RBFOX1: variants seen among roughly 807,000 people sequenced by gnomAD.
RBFOX1 encodes RNA binding protein fox-1 homolog 1.
Under a neutral mutation model 57.7 loss-of-function variants are expected in RBFOX1, and 8 were observed. The observed-to-expected ratio is 0.14, with a 90% CI of 0.08 to 0.25. The LOEUF is 0.25. Among genes scored for constraint, RBFOX1 ranks in the 10% least tolerant of loss-of-function variants. The pLI is 1.00. For missense variants in RBFOX1, 611 were observed against 548.5 expected (o/e 1.11, Z -1.14); for synonymous variants, 326 against 222.4 (o/e 1.47, Z -4.15).
chr16:7,102,245 T>C (rs2062822770), intron 4 of RBFOX1, among the ~76,000 whole-genome samples: 2 of 152,312 alleles, frequency 1.3e-5, no homozygotes, highest in African/African-American at 2.4e-5. Flanking sequence ...GATGAAAATA[T>C]CTTTCTCAAT....
intron 3 of RBFOX1, among the ~76,000 whole-genome samples, chr16:5,763,555 T>A (rs775580209): frequency 3.3e-5 from 5 of 152,272 alleles, no homozygotes; most frequent in Non-Finnish European, 5.9e-5. Context: ...AGTAAATTGC[T>A]GCGATAGAAC....
At chr16:5,496,332 C>G (rs1474364586) in intron 2 of RBFOX1, among the ~76,000 whole-genome samples, 1 of 152,166 alleles carries the variant, frequency 6.6e-6, no homozygotes, top group African/African-American at 2.4e-5. Context: ...CAAGGTCCCA[C>G]TGGCATTTGG....
rs186766500 is a variant in RBFOX1 at position 5,904,151 on chromosome 16, G to A, written c.351+36816G>A. Reference sequence around the variant, plus strand: ...AGAGTAATTGGATCATTCGGAGATCGGCAATGCCTGGTGTATGCACAAAGC... The same window carrying A: ...AGAGTAATTGGATCATTCGGAGATCAGCAATGCCTGGTGTATGCACAAAGC... On this transcript the variant is annotated intron_variant, in intron 4 of 19. Transcript: ENST00000641259. Among the ~76,000 whole-genome samples, 35 of 152,172 alleles carry A rather than the reference G, an allele frequency of 2.3e-4. No individual in the cohort carries two copies. The East Asian group carries it at 5.8e-3, about 25-fold the overall frequency.
intron 4 of RBFOX1, among the ~76,000 whole-genome samples, chr16:7,095,418 A>G (rs767052531): frequency 9.2e-5 from 14 of 152,200 alleles, no homozygotes; most frequent in African/African-American, 3.4e-4. Flanking sequence ...GATTACAGTC[A>G]TGAGTCACTG....
intron 4 of RBFOX1, among the ~76,000 whole-genome samples, chr16:7,418,481 C>T (rs1285319493): frequency 3.3e-5 from 5 of 152,182 alleles, no homozygotes; most frequent in African/African-American, 9.6e-5. Context: ...GGAGATTACG[C>T]ATTCTGTGTC....
chr16:7,132,473 C>T lies in RBFOX1; in HGVS notation c.27+80375C>T, dbSNP rs967053725. Among the ~76,000 whole-genome samples, 4 of 133,192 alleles carry T rather than the reference C, an allele frequency of 3.0e-5. No individual in the cohort carries two copies. In the East Asian group the frequency reaches 6.8e-4, roughly 23 times the overall value. The allele number at this position is 133,192 out of a possible 152,430, so 87.4% of individuals were successfully genotyped here. ...ACACACACACACACACACACACACACACACACACAGTCACTTTATCTTGAA... is the reference window on the plus strand; with the variant it reads ...ACACACACACACACACACACACACATACACACACAGTCACTTTATCTTGAA... On this transcript the variant is annotated intron_variant, in intron 4 of 15. Transcript: ENST00000550418.
chr16:6,304,366 CT>C (rs2079193533), intron 1 of RBFOX1, among the ~76,000 whole-genome samples: 1 of 152,126 alleles, frequency 6.6e-6, no homozygotes. Flanking sequence ...CTCTATAAAT[CT>C]GTCTGCATTG....
At chr16:5,998,161 T>C (rs1281630688) in intron 4 of RBFOX1, among the ~76,000 whole-genome samples, 2 of 152,222 alleles carry the variant, frequency 1.3e-5, no homozygotes, top group African/African-American at 4.8e-5. Flanking sequence ...ACGAAGTCCC[T>C]GTTCATTCTG....
At chr16:7,060,564 C>T (rs928625267) in intron 4 of RBFOX1, among the ~76,000 whole-genome samples, 2 of 152,136 alleles carry the variant, frequency 1.3e-5, no homozygotes, top group Non-Finnish European at 1.5e-5. Flanking sequence ...AGAATAGCTA[C>T]AATTAGGGCT....
intron 5 of RBFOX1, among the ~76,000 whole-genome samples, chr16:7,545,203 A>G (rs1488566250): frequency 6.6e-6 from 1 of 152,142 alleles, no homozygotes; most frequent in Non-Finnish European, 1.5e-5. Context: ...CGGTTAAAGT[A>G]AAGGTTGTTT....
At chr16:5,968,638 A>G (rs898958369) in intron 4 of RBFOX1, among the ~76,000 whole-genome samples, 3 of 151,688 alleles carry the variant, frequency 2.0e-5, no homozygotes, top group African/African-American at 7.3e-5. Flanking sequence ...TTTTTTTCTA[A>G]TGTCTAGTAA....
intron 2 of RBFOX1, among the ~76,000 whole-genome samples, chr16:5,495,943 T>A (rs957635104): frequency 6.6e-6 from 1 of 152,122 alleles, no homozygotes; most frequent in African/African-American, 2.4e-5. Flanking sequence ...CTGGCCAACA[T>A]GGTGAAACCC....
At chr16:7,285,580 A>C (rs1199982574) in intron 4 of RBFOX1, among the ~76,000 whole-genome samples, 1 of 151,732 alleles carries the variant, frequency 6.6e-6, no homozygotes, top group Admixed American at 6.6e-5. Context: ...GGCAAACACT[A>C]ATTTTCTCTC....
In RBFOX1 at chr16:6,851,453, A is replaced by G. The variant is rs550809009; in HGVS notation, c.-16+196803A>G. Among the ~76,000 whole-genome samples, 4 of 152,332 alleles carry G rather than the reference A, an allele frequency of 2.6e-5. No individual in the cohort carries two copies. The South Asian group carries it at 8.3e-4, about 32-fold the overall frequency. ...TTAAATTACATGTGAATCTACAGTT[A>G]TCTCAAAAAGTTTAATTTTTAAAAT... is the stretch of plus-strand genomic sequence containing the variant. On this transcript the variant is annotated intron_variant, in intron 3 of 15. Coordinates refer to ENST00000550418, the MANE Select transcript of RBFOX1 (RefSeq NM_018723.4).
chr16:7,274,071 G>A (rs1470554800), intron 4 of RBFOX1, among the ~76,000 whole-genome samples: 2 of 152,190 alleles, frequency 1.3e-5, no homozygotes, highest in Non-Finnish European at 2.9e-5. Flanking sequence ...GAAAACATAA[G>A]TGTGGAATTT....
intron 3 of RBFOX1, among the ~76,000 whole-genome samples, chr16:7,045,158 A>G (rs974845021): frequency 2.0e-4 from 30 of 152,158 alleles, no homozygotes; most frequent in African/African-American, 6.8e-4. Context: ...ATGTCACTGG[A>G]TTGACTCAAA....
At chr16:5,543,334 CA>C (rs2045045542) in intron 2 of RBFOX1, among the ~76,000 whole-genome samples, 2 of 151,756 alleles carry the variant, frequency 1.3e-5, no homozygotes, top group Non-Finnish European at 2.9e-5. Flanking sequence ...ACATGGAAGA[CA>C]AAAAAAGACC....
intron 4 of RBFOX1, among the ~76,000 whole-genome samples, chr16:7,156,402 CAT>C (rs1033947332): frequency 1.3e-5 from 2 of 151,724 alleles, no homozygotes; most frequent in African/African-American, 4.8e-5. Flanking sequence ...CATACATGTA[CAT>C]ATATGTGTGC....
At chr16:6,975,638 A>T (rs1450665085) in intron 3 of RBFOX1, among the ~76,000 whole-genome samples, 1 of 152,172 alleles carries the variant, frequency 6.6e-6, no homozygotes, top group Non-Finnish European at 1.5e-5. Context: ...GACAGATGAA[A>T]AGACTGAGCC....
Sources: allele counts gnomAD v4.1 joint callset (sites outside exome capture counted in the v4.1 genomes callset), GRCh38; gene constraint gnomAD v4.1.1; transcripts MANE v1.5; gene names NCBI Gene and HGNC (gene_info 2026-07-23, HGNC 2026-07-21).